Variants in VHL observed in about 807,000 individuals in gnomAD.
VHL encodes von Hippel-Lindau tumor suppressor, also known as von Hippel-Lindau disease tumor suppressor.
Under a neutral mutation model 19.2 loss-of-function variants are expected in VHL, and 10 were observed. The observed-to-expected ratio is 0.52, with a 90% confidence interval of 0.32 to 0.89. VHL has a LOEUF of 0.89. Among genes scored for constraint, VHL ranks in the 40% least tolerant of loss-of-function variants. The probability of loss-of-function intolerance (pLI) is 0.03; values close to 1 mark genes in which losing one functional copy is unlikely to be tolerated. For synonymous variants in VHL, 167 were observed against 129.5 expected, an observed-to-expected ratio of 1.29 and a Z score of -1.97; for missense variants, 328 against 292.7, an observed-to-expected ratio of 1.12 and a Z score of -0.88.
At position 10,150,031 on chromosome 3, in the gene VHL, G is replaced by T. The variant is rs1207243768; in HGVS notation, c.*66G>T. 1.9e-6 allele frequency: 3 copies of T among 1,571,624 alleles called. No individual in the cohort carries two copies. Among genetic ancestry groups the T allele is most frequent in the Admixed American group, 1.9e-5 (1 of 53,056 alleles). Reference sequence around the variant, plus strand: ...GATGGTACTGATGAGTCTTGATCTAGATACAGGACTGGTTCCTTCCTTAGT... The same window carrying T: ...GATGGTACTGATGAGTCTTGATCTATATACAGGACTGGTTCCTTCCTTAGT... On this transcript the variant is annotated 3_prime_UTR_variant, in exon 3 of 3. Transcript: ENST00000256474.
At chr3:10,148,584 G>A (rs1392311915) in intron 2 of VHL, among the ~76,000 whole-genome samples, 1 of 151,710 alleles carries the variant, frequency 6.6e-6, no homozygotes, top group Non-Finnish European at 1.5e-5. Flanking sequence ...AAAGTGCTGG[G>A]ATTACAGGCG....
rs867653906 is a variant in VHL, at chr3:10,153,273, G to A, written c.*3308G>A. ...AACCTGGGCGACAGAGTGAGACACC[G>A]TCTCAAAAAAAAAAACAAAAAACAA... On this transcript the variant is annotated 3_prime_UTR_variant, in exon 3 of 3. Coordinates refer to ENST00000256474, the MANE Select transcript of VHL (RefSeq NM_000551.4). Among the ~76,000 whole-genome samples, 42 of 151,388 alleles carry A rather than the reference G, an allele frequency of 2.8e-4. No homozygotes were observed. The highest frequency in any genetic ancestry group is 4.6e-4 in the African/African-American group (19 of 41,264).
At chr3:10,147,728 A>G (rs1696298189) in intron 2 of VHL, among the ~76,000 whole-genome samples, 1 of 151,854 alleles carries the variant, frequency 6.6e-6, no homozygotes, top group African/African-American at 2.4e-5. Context: ...TTTGAAGCTC[A>G]AATGATTTTA....
rs139890789 is a variant in VHL at position 10,143,355 on chromosome 3, C to G, written c.340+1168C>G. Among the ~76,000 whole-genome samples, 898 of 152,242 alleles carry G rather than the reference C, an allele frequency of 5.9e-3. 12 individuals carry two copies. The highest frequency in any genetic ancestry group is 0.02 in the African/African-American group (836 of 41,530). ...TTTTGGCCAGGCTGGTCTCGAACTC[C>G]TGACCTCAGATGATCCACCCGCCTT... On this transcript the variant is annotated intron_variant, in intron 1 of 2. Coordinates refer to ENST00000256474, the MANE Select transcript of VHL (RefSeq NM_000551.4).
rs946136114 is a variant in VHL at position 10,141,820 on chromosome 3, G to A, written c.-28G>A. ...CCGACCCGCGGATCCCGCGGCGTCC[G>A]GCCCGGGTGGTCTGGATCGCGGAGG... On this transcript the variant is annotated 5_prime_UTR_variant, in exon 1 of 3. Coordinates refer to ENST00000256474, the MANE Select transcript of VHL (RefSeq NM_000551.4). 1 of 1,536,056 alleles carries A rather than the reference G, an allele frequency of 6.5e-7. No individual in the cohort carries two copies. Among genetic ancestry groups the A allele is most frequent in the African/African-American group, 1.4e-5 (1 of 72,234 alleles).
At position 10,146,410 on chromosome 3, in the gene VHL, A is replaced by G. The variant is rs1359253163; in HGVS notation, c.341-104A>G. Reference sequence around the variant, plus strand: ...AGGACGGTCTTGATCTCCTGACCTCATGATCCGCCTGCCTCGGCCTCCCAA... The same window carrying G: ...AGGACGGTCTTGATCTCCTGACCTCGTGATCCGCCTGCCTCGGCCTCCCAA... On this transcript the variant is annotated intron_variant, in intron 1 of 2. Transcript: ENST00000256474. The G allele has an allele frequency of 8.0e-6, 12 of 1,494,764 alleles. No individual in the cohort carries two copies. In the African/African-American group the frequency reaches 1.4e-4, roughly 17 times the overall value. The allele number at this position is 1,494,764 out of a possible 1,614,324, so 92.6% of individuals were successfully genotyped here.
At chr3:10,145,722 AAAAG>A (rs1294831538) in intron 1 of VHL, among the ~76,000 whole-genome samples, 8 of 151,758 alleles carry the variant, frequency 5.3e-5, no homozygotes, top group Admixed American at 2.0e-4. Flanking sequence ...AAAAAAAAGA[AAAAG>A]AAAAGAAAAT....
rs768650092 is a variant in VHL at position 10,141,962 on chromosome 3, G to C, written c.115G>C (p.Gly39Arg). The part of the protein sequence containing the change: ...GGEESGAEES[G>R]PEESGPEELG... ...GGAGGAGTCGGGCGCCGAGGAGTCC[G>C]GCCCGGAAGAGTCCGGCCCGGAGGA... Residue 39 changes from glycine (G) to arginine (R), a missense_variant, in exon 1 of 3, where the codon GGC becomes CGC. By Grantham distance (125) the Gly-to-Arg change is moderately radical. Coordinates refer to ENST00000256474, the MANE Select transcript of VHL (RefSeq NM_000551.4). The C allele has an allele frequency of 5.3e-5, 82 of 1,550,798 alleles. No individual in the cohort carries two copies. Among genetic ancestry groups the C allele is most frequent in the Non-Finnish European group, 1.7e-5 (20 of 1,147,752 alleles).
At chr3:10,148,038 G>T (rs1346588357) in intron 2 of VHL, among the ~76,000 whole-genome samples, 1 of 151,760 alleles carries the variant, frequency 6.6e-6, no homozygotes, top group Non-Finnish European at 1.5e-5. Flanking sequence ...TGAGGCTGCA[G>T]TGAGCCATGA....
chr3:10,146,332 C>T lies in VHL; in HGVS notation c.341-182C>T, dbSNP rs552624308. 5.9e-3 allele frequency among the ~76,000 whole-genome samples: 896 copies of T among 152,090 alleles called. 12 individuals carry two copies. Among genetic ancestry groups the T allele is most frequent in the African/African-American group, 0.02 (834 of 41,494 alleles). On this transcript the variant is annotated intron_variant, in intron 1 of 2. Transcript: ENST00000256474. Reference sequence around the variant, plus strand: ...GGGACTACAGGCGCTCGCCACCACACCTGGCTAATTTTTTTGTATTTTTAG... The same window carrying T: ...GGGACTACAGGCGCTCGCCACCACATCTGGCTAATTTTTTTGTATTTTTAG...
At position 10,142,194 on chromosome 3, in the gene VHL, G is replaced by T; in HGVS notation, c.340+7G>T. The T allele has an allele frequency of 6.3e-7, 1 of 1,596,778 alleles. No individual in the cohort carries two copies. Among genetic ancestry groups the T allele is most frequent in the East Asian group, 2.2e-5 (1 of 44,798 alleles). The stretch of plus-strand genomic sequence containing the variant: ...CGCATCCACAGCTACCGAGGTACGG[G>T]CCCGGCGCTTAGGCCCGACCCAGCA... On this transcript the variant is annotated splice_region_variant and intron_variant, in intron 1 of 2. Coordinates refer to ENST00000256474, the MANE Select transcript of VHL (RefSeq NM_000551.4).
rs1054808720 is a variant in VHL at position 10,153,111 on chromosome 3, A to C, written c.*3146A>C. 2.0e-5 allele frequency among the ~76,000 whole-genome samples: 3 copies of C among 152,092 alleles called. No individual in the cohort carries two copies. The highest frequency in any genetic ancestry group is 6.6e-5 in the Admixed American group (1 of 15,252). The stretch of plus-strand genomic sequence containing the variant: ...CTAACACGGGTGAAACCCCGTCTCT[A>C]TTAAAAAATAGAAAAAATTAGGCGG... On this transcript the variant is annotated 3_prime_UTR_variant, in exon 3 of 3. Transcript: ENST00000256474.
At chr3:10,143,872 T>G (rs560108076) in intron 1 of VHL, among the ~76,000 whole-genome samples, 3 of 152,312 alleles carry the variant, frequency 2.0e-5, no homozygotes, top group African/African-American at 7.2e-5. Flanking sequence ...TAGGTAGTTG[T>G]GAAAACCCAG....
chr3:10,148,609 C>T (rs112782301), intron 2 of VHL, among the ~76,000 whole-genome samples: 21,634 of 151,282 alleles, frequency 0.14, 1,622 homozygotes, highest in South Asian at 0.17. Flanking sequence ...CCACCGCGCC[C>T]GGCCTAGATT....
In VHL at chr3:10,146,621, A is replaced by C; in HGVS notation, c.448A>C (p.Asn150His). The C allele has an allele frequency of 1.9e-6, 3 of 1,613,926 alleles. No individual in the cohort carries two copies. The highest frequency in any genetic ancestry group is 2.2e-5 in the South Asian group (2 of 91,086). ...TGTTGACGGACAGCCTATTTTTGCC[A>C]ATATCACACTGCCAGGTACTGACGT... is the stretch of plus-strand genomic sequence containing the variant. ...LNVDGQPIFANITLPVYTLKE... is the reference protein window; with the variant it reads ...LNVDGQPIFAHITLPVYTLKE... The change falls in exon 2 of 3, where the codon AAT (asparagine) becomes CAT (histidine). Residue 150 changes from asparagine to histidine, a missense_variant. Physicochemically the swap from Asn to His is moderately conservative, Grantham distance 68. Coordinates refer to ENST00000256474, the MANE Select transcript of VHL (RefSeq NM_000551.4).
Position 10,153,014 on chromosome 3 carries a change from T to C in VHL, c.*3049T>C, listed in dbSNP as rs1299103553. On this transcript the variant is annotated 3_prime_UTR_variant, in exon 3 of 3. Transcript: ENST00000256474. Reference sequence around the variant, plus strand: ...AAAAATTGCCGGCCGCGGCGGCTCATGCCTGTAATCCCAGCACTTTGGGAG... The same window carrying C: ...AAAAATTGCCGGCCGCGGCGGCTCACGCCTGTAATCCCAGCACTTTGGGAG... Among the ~76,000 whole-genome samples the C allele has an allele frequency of 6.6e-6, 1 of 151,860 alleles. No individual in the cohort carries two copies. The highest frequency in any genetic ancestry group is 1.5e-5 in the Non-Finnish European group (1 of 67,940).
chr3:10,142,513 T>G (rs1252605103), intron 1 of VHL: 1 of 352,152 alleles, frequency 2.8e-6, no homozygotes, highest in Non-Finnish European at 5.2e-6. Flanking sequence ...GCCCGGCTGA[T>G]TTTTATATTT....
chr3:10,145,895 C>T (rs963751974), intron 1 of VHL, among the ~76,000 whole-genome samples: 4 of 152,002 alleles, frequency 2.6e-5, no homozygotes, highest in South Asian at 4.1e-4. Flanking sequence ...TTTGTAATCA[C>T]GTACTTGACC....
In VHL at chr3:10,142,059, C is replaced by T. The variant is rs2125125002; in HGVS notation, c.212C>T (p.Pro71Leu). ...CTGCGCTCGGTGAACTCGCGCGAGC[C>T]CTCCCAGGTCATCTTCTGCAATCGC... ...PVLRSVNSRE[P>L]SQVIFCNRSP... Residue 71 changes from proline (P) to leucine (L), a missense_variant, in exon 1 of 3, where the codon CCC becomes CTC. By Grantham distance (98) the Pro-to-Leu change is moderately conservative. Coordinates refer to ENST00000256474, the MANE Select transcript of VHL (RefSeq NM_000551.4). 1 of 1,607,006 alleles carries T rather than the reference C, an allele frequency of 6.2e-7. No homozygotes were observed. Among genetic ancestry groups the T allele is most frequent in the Non-Finnish European group, 8.5e-7 (1 of 1,178,916 alleles).
Sources: gnomAD v4.1 joint callset for allele counts (sites outside exome capture counted in the v4.1 genomes callset) on GRCh38, gnomAD v4.1.1 for gene constraint, MANE v1.5 for transcripts, NCBI Gene and HGNC (gene_info 2026-07-23, HGNC 2026-07-21) for gene names.